Variants in FBXL13 observed in about 807,000 individuals in gnomAD.
The protein encoded by FBXL13 is F-box and leucine rich repeat protein 13, also known as F-box and leucine-rich repeat protein 13.
A neutral mutation model predicts 83.6 loss-of-function variants in FBXL13; 67 were observed. The ratio of observed to expected loss-of-function variants is 0.80; its 90% CI spans 0.66 to 0.98. The LOEUF (loss-of-function observed/expected upper bound fraction) is 0.98. Ranked by LOEUF, FBXL13 falls within the 50% of genes least tolerant of loss-of-function variation. The pLI, the probability that FBXL13 is intolerant of heterozygous loss-of-function variation, is 0.00. For missense variants in FBXL13, 822 were observed against 866.5 expected, an observed-to-expected ratio of 0.95 and a Z score of 0.64; for synonymous variants, 272 against 299.5, an observed-to-expected ratio of 0.91 and a Z score of 0.95.
intron 18 of FBXL13, among the ~76,000 whole-genome samples, chr7:102,826,923 T>G (rs550194499): frequency 5.5e-5 from 8 of 146,114 alleles, no homozygotes; most frequent in Non-Finnish European, 1.0e-4. Flanking sequence ...ATGCTATATT[T>G]GGCTATTTCC....
At chr7:102,854,730 A>G (rs767095988) in intron 17 of FBXL13, 47 bp downstream of exon 18, 1 of 1,252,516 alleles carries the variant, frequency 8.0e-7, no homozygotes, top group South Asian at 1.6e-5. Context: ...AGAAAAAAAG[A>G]AAAATTTCAA....
intron 6 of FBXL13, among the ~76,000 whole-genome samples, chr7:102,995,278 G>C (rs566828425): frequency 4.0e-5 from 6 of 151,814 alleles, no homozygotes; most frequent in African/African-American, 1.4e-4. Context: ...TCAGGAGATC[G>C]AGACCATTAT....
At chr7:102,866,502 G>A (rs762411464) in intron 16 of FBXL13, among the ~76,000 whole-genome samples, 3 of 152,152 alleles carry the variant, frequency 2.0e-5, no homozygotes, top group Non-Finnish European at 4.4e-5. Flanking sequence ...TGTGCTTTTT[G>A]AAAATCCACG....
chr7:102,926,246 A>C (rs1311269007), intron 10 of FBXL13, 28 bp downstream of exon 11: 2 of 1,590,364 alleles, frequency 1.3e-6, no homozygotes, highest in East Asian at 2.3e-5. Flanking sequence ...AATTTTTTTC[A>C]GTGTCATACA....
At chr7:102,883,994 A>G (rs1810454784) in intron 12 of FBXL13, among the ~76,000 whole-genome samples, 1 of 152,240 alleles carries the variant, frequency 6.6e-6, no homozygotes, top group South Asian at 2.1e-4. Context: ...CTGTAACATC[A>G]CTAAAAAAAA....
At chr7:102,987,878 T>C (rs1585253972) in intron 6 of FBXL13, among the ~76,000 whole-genome samples, 1 of 151,940 alleles carries the variant, frequency 6.6e-6, no homozygotes, top group African/African-American at 2.4e-5. Context: ...CGCTAGGGGG[T>C]AGATGCTATG....
exon 18 of FBXL13, chr7:102,832,859 C>G (rs751364196): frequency 1.2e-6 from 2 of 1,614,172 alleles, no homozygotes. Context: ...GCCAGCAATG[C>G]TGAGAGATGT....
intron 8 of FBXL13, among the ~76,000 whole-genome samples, chr7:102,937,721 T>C (rs1820607839): frequency 1.3e-5 from 2 of 152,208 alleles, no homozygotes; most frequent in Non-Finnish European, 2.9e-5. Flanking sequence ...TTTAGATTGA[T>C]GATGATAACT....
chr7:102,935,242 CTTTTTTTTTTTT>C (rs71106700), intron 8 of FBXL13, among the ~76,000 whole-genome samples: 11 of 76,416 alleles, frequency 1.4e-4, no homozygotes, highest in African/African-American at 5.8e-4. Context: ...TTTTTTCTTT[CTTTTTTTTTTTT>C]TTTTTTTTTT....
At chr7:102,958,659 T>C (rs1035562621) in intron 8 of FBXL13, among the ~76,000 whole-genome samples, 1 of 151,960 alleles carries the variant, frequency 6.6e-6, no homozygotes, top group Non-Finnish European at 1.5e-5. Flanking sequence ...ACATAATAAA[T>C]TGGTTAAAAA....
intron 16 of FBXL13, among the ~76,000 whole-genome samples, chr7:102,863,909 C>G (rs1362879843): frequency 1.3e-5 from 2 of 152,130 alleles, no homozygotes; most frequent in Non-Finnish European, 2.9e-5. Context: ...TGAATAAGCC[C>G]TACCAATGCC....
At chr7:102,876,952 C>A (rs542336536) in intron 16 of FBXL13, among the ~76,000 whole-genome samples, 1 of 152,288 alleles carries the variant, frequency 6.6e-6, no homozygotes, top group East Asian at 1.9e-4. Flanking sequence ...GTAAATGGGG[C>A]AGTCCCAGAG....
At chr7:102,935,253 T>C (rs1372841967) in intron 8 of FBXL13, among the ~76,000 whole-genome samples, 18 of 128,948 alleles carry the variant, frequency 1.4e-4, no homozygotes, top group Non-Finnish European at 2.5e-4. Flanking sequence ...TTTTTTTTTT[T>C]TTTTTTTTTT....
At chr7:103,002,847 C>T (rs1232001310) in intron 6 of FBXL13, among the ~76,000 whole-genome samples, 1 of 152,084 alleles carries the variant, frequency 6.6e-6, no homozygotes, top group Non-Finnish European at 1.5e-5. Flanking sequence ...TGACCCTGAC[C>T]TTTAAGAGTT....
At chr7:102,994,119 C>A (rs1829852071) in intron 6 of FBXL13, among the ~76,000 whole-genome samples, 1 of 152,044 alleles carries the variant, frequency 6.6e-6, no homozygotes, top group Non-Finnish European at 1.5e-5. Context: ...GCATAACAAA[C>A]CCAACCATTC....
At chr7:102,902,766 A>G (rs1813129189) in intron 11 of FBXL13, among the ~76,000 whole-genome samples, 3 of 151,866 alleles carry the variant, frequency 2.0e-5, no homozygotes, top group African/African-American at 7.3e-5. Context: ...TGGGTTCTCT[A>G]TTCTGTTCTA....
chr7:103,044,082 TA>T (rs893445480), intron 2 of FBXL13, among the ~76,000 whole-genome samples: 37 of 152,272 alleles, frequency 2.4e-4, no homozygotes, highest in African/African-American at 8.7e-4. Context: ...AAAATGTTGG[TA>T]GGGGGGAACC....
intron 11 of FBXL13, among the ~76,000 whole-genome samples, chr7:102,890,320 C>T (rs1811374032): frequency 6.6e-6 from 1 of 152,214 alleles, no homozygotes; most frequent in Admixed American, 6.5e-5. Context: ...CACCTGAGAT[C>T]TGATTCCCGT....
intron 10 of FBXL13, among the ~76,000 whole-genome samples, chr7:102,922,154 C>T (rs780280777): frequency 8.0e-5 from 12 of 149,302 alleles, no homozygotes; most frequent in Non-Finnish European, 1.0e-4. Context: ...CGTGCCACTG[C>T]ATTCCAGCCT....
Sources: gnomAD v4.1 joint callset for allele counts (sites outside exome capture counted in the v4.1 genomes callset) on GRCh38, gnomAD v4.1.1 for gene constraint, MANE v1.5 for transcripts, NCBI Gene and HGNC (gene_info 2026-07-23, HGNC 2026-07-21) for gene names.